Variants in PDSS2 observed in about 807,000 individuals in gnomAD.
The protein encoded by PDSS2 is decaprenyl diphosphate synthase subunit 2, also known as all trans-polyprenyl-diphosphate synthase PDSS2.
A neutral mutation model predicts 44.5 loss-of-function variants in PDSS2; 31 were observed. The ratio of observed to expected loss-of-function variants is 0.70; its 90% CI spans 0.52 to 0.94. PDSS2 has a LOEUF of 0.94. PDSS2 is among the 40% of genes least tolerant of loss of function. The pLI, the probability that PDSS2 is intolerant of heterozygous loss-of-function variation, is 0.00. For synonymous variants in PDSS2, 157 were observed against 180.3 expected, an observed-to-expected ratio of 0.87 and a Z score of 1.03; for missense variants, 452 against 482.2, an observed-to-expected ratio of 0.94 and a Z score of 0.59.
At chr6:107,423,186 G>A (rs570885831) in intron 1 of PDSS2, among the ~76,000 whole-genome samples, 1 of 152,112 alleles carries the variant, frequency 6.6e-6, no homozygotes, top group African/African-American at 2.4e-5. Flanking sequence ...GTTGTAAATG[G>A]CAATGAGTAT....
chr6:107,446,002 C>CT (rs566182912), intron 1 of PDSS2, among the ~76,000 whole-genome samples: 53 of 152,104 alleles, frequency 3.5e-4, no homozygotes, highest in Non-Finnish European at 6.9e-4. Context: ...ATTTGAAGTG[C>CT]TTTTTTTAAG....
chr6:107,221,682 T>C (rs1773613923), intron 4 of PDSS2, among the ~76,000 whole-genome samples: 1 of 152,222 alleles, frequency 6.6e-6, no homozygotes, highest in South Asian at 2.1e-4. Flanking sequence ...CTCAGCCATA[T>C]GCTGCTCTCC....
At chr6:107,273,583 G>A (rs1738900959) in intron 3 of PDSS2, among the ~76,000 whole-genome samples, 1 of 151,782 alleles carries the variant, frequency 6.6e-6, no homozygotes, top group African/African-American at 2.4e-5. Context: ...TATTATGTAA[G>A]AAAAAATAGG....
At chr6:107,396,092 T>C (rs1215915343) in intron 1 of PDSS2, among the ~76,000 whole-genome samples, 1 of 152,226 alleles carries the variant, frequency 6.6e-6, no homozygotes, top group Admixed American at 6.5e-5. Flanking sequence ...TCTGGTCCTG[T>C]ATGTTCTCTG....
chr6:107,313,954 C>G (rs577970897), intron 2 of PDSS2, among the ~76,000 whole-genome samples: 17 of 151,896 alleles, frequency 1.1e-4, no homozygotes, highest in Non-Finnish European at 2.2e-4. Flanking sequence ...CGTTCAAGAC[C>G]AGCCTGGGCA....
intron 1 of PDSS2, among the ~76,000 whole-genome samples, chr6:107,381,015 C>G (rs980547452): frequency 2.0e-5 from 3 of 152,162 alleles, no homozygotes; most frequent in Non-Finnish European, 4.4e-5. Context: ...TGAAGGAAAG[C>G]AGAAATCATT....
At chr6:107,281,286 T>G (rs1775951706) in intron 2 of PDSS2, among the ~76,000 whole-genome samples, 1 of 152,158 alleles carries the variant, frequency 6.6e-6, no homozygotes, top group African/African-American at 2.4e-5. Flanking sequence ...CCTGCTGACT[T>G]GAGGGCTGCA....
chr6:107,254,366 T>C (rs1024447550), intron 3 of PDSS2, among the ~76,000 whole-genome samples: 1 of 152,046 alleles, frequency 6.6e-6, no homozygotes, highest in African/African-American at 2.4e-5. Context: ...AAAATTTTCA[T>C]AAGAAATAAA....
At chr6:107,222,295 G>A (rs1353568990) in intron 4 of PDSS2, among the ~76,000 whole-genome samples, 1 of 152,102 alleles carries the variant, frequency 6.6e-6, no homozygotes, top group Non-Finnish European at 1.5e-5. Context: ...CTAACTATGT[G>A]ATGACACTTT....
At chr6:107,385,952 T>C (rs533819503) in intron 1 of PDSS2, among the ~76,000 whole-genome samples, 2 of 152,306 alleles carry the variant, frequency 1.3e-5, no homozygotes, top group East Asian at 3.9e-4. Context: ...ATGTAGGATG[T>C]AAAGCTCTTA....
At position 107,286,136 on chromosome 6, in the gene PDSS2, T is replaced by TAAATAAAA. The variant is rs568159749; in HGVS notation, c.432-11910_432-11909insTTTTATTT. Among the ~76,000 whole-genome samples the TAAATAAAA allele has an allele frequency of 6.7e-4, 86 of 128,732 alleles. 1 individual carries two copies. Among genetic ancestry groups the TAAATAAAA allele is most frequent in the Middle Eastern group, 8.6e-3 (2 of 232 alleles). 84.5% of individuals were successfully genotyped at this position (128,732 alleles called of 152,430 possible). A position where few individuals can be genotyped will look rare whatever the true frequency, so the allele number is the denominator to read the frequency against. On this transcript the variant is annotated intron_variant, in intron 2 of 7. Transcript: ENST00000369037. Reference sequence around the variant, plus strand: ...CAAGGAGCAAAACTTCGTCGCAAAATAAAAAAAAAAAAAAGGAAAGAAAAG... The same window carrying TAAATAAAA: ...CAAGGAGCAAAACTTCGTCGCAAAATAAATAAAAAAAAAAAAAAAAAAGGAAAGAAAAG...
At chr6:107,358,363 T>C (rs970382986) in intron 1 of PDSS2, among the ~76,000 whole-genome samples, 83 of 152,338 alleles carry the variant, frequency 5.4e-4, no homozygotes, top group Middle Eastern at 3.4e-3. Context: ...ATCTTCCAAG[T>C]ATGTTCTGAA....
At chr6:107,433,513 T>C (rs1781257277) in intron 1 of PDSS2, among the ~76,000 whole-genome samples, 1 of 152,130 alleles carries the variant, frequency 6.6e-6, no homozygotes, top group Non-Finnish European at 1.5e-5. Context: ...GAACATGCAT[T>C]GGGGAAAGGA....
chr6:107,221,661 T>C (rs1773613096), intron 4 of PDSS2, among the ~76,000 whole-genome samples: 1 of 152,210 alleles, frequency 6.6e-6, no homozygotes, highest in African/African-American at 2.4e-5. Flanking sequence ...ATAGTGGTAC[T>C]GGTGGTTTTG....
At chr6:107,172,927 C>T (rs1460644948) in intron 7 of PDSS2, among the ~76,000 whole-genome samples, 1 of 151,704 alleles carries the variant, frequency 6.6e-6, no homozygotes, top group Non-Finnish European at 1.5e-5. Flanking sequence ...AGTTCGAGAC[C>T]AGCCTGGCCA....
At chr6:107,222,189 T>A (rs9486564) in intron 4 of PDSS2, among the ~76,000 whole-genome samples, 1,665 of 152,130 alleles carry the variant, frequency 0.011, 38 homozygotes, top group African/African-American at 0.037. Context: ...TTATTTTTTT[T>A]AAAAAAGGTC....
At chr6:107,337,866 AC>A (rs1024985989) in intron 1 of PDSS2, among the ~76,000 whole-genome samples, 1 of 151,964 alleles carries the variant, frequency 6.6e-6, no homozygotes, top group African/African-American at 2.4e-5. Flanking sequence ...TCATGAAAAC[AC>A]CCCTTTCAGA....
intron 6 of PDSS2, among the ~76,000 whole-genome samples, chr6:107,208,117 G>A (rs1332686771): frequency 6.7e-6 from 1 of 149,674 alleles, no homozygotes; most frequent in African/African-American, 2.5e-5. Flanking sequence ...CTCCCGAGTA[G>A]CTGGGATTAG....
intron 5 of PDSS2, among the ~76,000 whole-genome samples, chr6:107,211,662 A>G (rs1367066475): frequency 6.6e-6 from 1 of 150,652 alleles, no homozygotes; most frequent in African/African-American, 2.4e-5. Context: ...CCTGGGAGGC[A>G]GAGGTTGCGT....
Sources: gnomAD v4.1 joint callset for allele counts (sites outside exome capture counted in the v4.1 genomes callset) on GRCh38, gnomAD v4.1.1 for gene constraint, MANE v1.5 for transcripts, NCBI Gene and HGNC (gene_info 2026-07-23, HGNC 2026-07-21) for gene names.